The following RPN2 variants were observed in gnomAD, a reference collection of about 807,000 sequenced individuals.
RPN2 encodes the protein ribophorin II.
A neutral mutation model predicts 71.4 loss-of-function variants in RPN2; 29 were observed. The ratio of observed to expected loss-of-function variants is 0.41; its 90% CI spans 0.30 to 0.55. RPN2 has a LOEUF of 0.55. Ranked by LOEUF, RPN2 falls within the 20% of genes least tolerant of loss-of-function variation. RPN2 has a pLI of 0.35. For synonymous variants in RPN2, 308 were observed against 305.0 expected (o/e 1.01, Z -0.10); for missense variants, 726 against 774.1 (o/e 0.94, Z 0.74).
chr20:37,191,629 G>C (rs992891809), intron 2 of RPN2, among the ~76,000 whole-genome samples: 22 of 151,690 alleles, frequency 1.5e-4, no homozygotes, highest in African/African-American at 4.8e-4. Context: ...TTAGCTGGGC[G>C]TGGTGGCGGG....
chr20:37,193,552 C>T (rs753986282), intron 2 of RPN2, among the ~76,000 whole-genome samples: 1 of 152,138 alleles, frequency 6.6e-6, no homozygotes, highest in East Asian at 1.9e-4. Flanking sequence ...TAGCTAGTAT[C>T]GTGATTCACC....
At chr20:37,182,312 T>A (rs567637087) in intron 1 of RPN2, among the ~76,000 whole-genome samples, 2 of 152,242 alleles carry the variant, frequency 1.3e-5, no homozygotes, top group African/African-American at 4.8e-5. Context: ...CAGGCTGGTC[T>A]TGAACTCCTG....
At chr20:37,239,117 A>C (rs766829419) in intron 16 of RPN2, among the ~76,000 whole-genome samples, 1 of 152,162 alleles carries the variant, frequency 6.6e-6, no homozygotes, top group Non-Finnish European at 1.5e-5. Context: ...TGCTTCACTG[A>C]TCTGCTCCGC....
chr20:37,217,204 T>C (rs1432243217), intron 9 of RPN2, among the ~76,000 whole-genome samples: 2 of 152,074 alleles, frequency 1.3e-5, no homozygotes, highest in East Asian at 3.8e-4. Context: ...AGTAGTGGGA[T>C]TATAGGCGTG....
At chr20:37,239,764 TA>T (rs1426605785) in intron 16 of RPN2, among the ~76,000 whole-genome samples, 1 of 152,172 alleles carries the variant, frequency 6.6e-6, no homozygotes, top group Non-Finnish European at 1.5e-5. Context: ...GTGCCCCTTT[TA>T]GAGTCCGACC....
intron 8 of RPN2, among the ~76,000 whole-genome samples, chr20:37,212,170 T>G (rs1052422446): frequency 3.3e-5 from 5 of 152,170 alleles, no homozygotes; most frequent in Admixed American, 6.5e-5. Flanking sequence ...TTCCAGCTAC[T>G]TGGGAGGCTG....
rs770726460 is a variant in RPN2 at position 37,198,421 on chromosome 20, A to T, written c.232A>T (p.Asn78Tyr). ...AKKACTYIRS[N>Y]LDPSNVDSLF... ...GAAAGCATGTACCTACATCAGATCT[A>T]ACCTTGATCCCAGCAATGTGGATTC... The change falls in exon 3 of 17, where the codon AAC (asparagine) becomes TAC (tyrosine). Residue 78 changes from asparagine (N) to tyrosine (Y), a missense_variant. By Grantham distance (143) the Asn-to-Tyr change is moderately radical. Coordinates refer to ENST00000237530, the MANE Select transcript of RPN2 (RefSeq NM_002951.5). 3 of 1,614,184 alleles carry T rather than the reference A, an allele frequency of 1.9e-6. No homozygotes were observed. The highest frequency in any genetic ancestry group is 2.5e-6 in the Non-Finnish European group (3 of 1,180,020).
At chr20:37,187,980 A>G (rs1393435410) in intron 2 of RPN2, among the ~76,000 whole-genome samples, 3 of 151,634 alleles carry the variant, frequency 2.0e-5, no homozygotes, top group African/African-American at 4.8e-5. Flanking sequence ...TATATCTTCT[A>G]TTGACTGTTC....
At chr20:37,198,280 T>C (rs2076399) in intron 2 of RPN2, 117 bp from the exon 3 acceptor site, 3 of 1,569,358 alleles carry the variant, frequency 1.9e-6, no homozygotes, top group East Asian at 4.5e-5. Context: ...ACTAAATTCA[T>C]GTAGCTCATT....
intron 16 of RPN2, chr20:37,238,504 C>T (rs149648856): frequency 1.1e-5 from 14 of 1,248,544 alleles, no homozygotes; most frequent in African/African-American, 4.4e-5. Flanking sequence ...CCGTCTTGCC[C>T]GCCTCATGCA....
chr20:37,233,982 T>C, intron 14 of RPN2, 38 bp from the exon 15 acceptor site: 1 of 1,609,700 alleles, frequency 6.2e-7, no homozygotes, highest in Non-Finnish European at 8.5e-7. Flanking sequence ...CCTTTTAAGT[T>C]CTAATGCCTT....
In RPN2 at chr20:37,203,361, CTT is replaced by C. The variant is rs11348988; in HGVS notation, c.480-502_480-501del. On this transcript the variant is annotated intron_variant, in intron 4 of 16. Coordinates refer to ENST00000237530, the MANE Select transcript of RPN2 (RefSeq NM_002951.5). ...AATTTTATGTGAATTTTGCTTCAAT[CTT>C]TTTTTTTTTTTTTTTTTTTTTCTGA... 2.8e-3 allele frequency among the ~76,000 whole-genome samples: 392 copies of C among 138,042 alleles called. 1 individual carries two copies. Among genetic ancestry groups the C allele is most frequent in the East Asian group, 0.022 (99 of 4,540 alleles). The allele number at this position is 138,042 out of a possible 152,430, so 90.6% of individuals were successfully genotyped here.
intron 16 of RPN2, among the ~76,000 whole-genome samples, chr20:37,238,192 A>G (rs751798549): frequency 2.0e-5 from 3 of 151,064 alleles, no homozygotes; most frequent in Non-Finnish European, 4.4e-5. Context: ...AGGATCAGTA[A>G]CTCCTCCCTC....
chr20:37,209,902 G>T, intron 7 of RPN2, 145 bp from the exon 8 acceptor site: 1 of 1,397,320 alleles, frequency 7.2e-7, no homozygotes. Flanking sequence ...GGATTAGGCA[G>T]CAGGCCCAAG....
At chr20:37,227,024 T>A (rs2068093739) in intron 11 of RPN2, among the ~76,000 whole-genome samples, 1 of 152,256 alleles carries the variant, frequency 6.6e-6, no homozygotes, top group African/African-American at 2.4e-5. Context: ...TCTTGCTTTC[T>A]GTTTCTTGCA....
intron 2 of RPN2, among the ~76,000 whole-genome samples, chr20:37,184,814 T>G (rs1189465059): frequency 6.6e-6 from 1 of 152,162 alleles, no homozygotes; most frequent in Non-Finnish European, 1.5e-5. Flanking sequence ...TTATTTCAGT[T>G]TGACAGATCT....
intron 4 of RPN2, among the ~76,000 whole-genome samples, chr20:37,201,782 G>C (rs2067397043): frequency 6.6e-6 from 1 of 152,096 alleles, no homozygotes; most frequent in Non-Finnish European, 1.5e-5. Flanking sequence ...ATATAAATTA[G>C]AACTCTTCTG....
chr20:37,183,642 C>T (rs2066933116), intron 1 of RPN2, among the ~76,000 whole-genome samples: 1 of 152,224 alleles, frequency 6.6e-6, no homozygotes, highest in Non-Finnish European at 1.5e-5. Flanking sequence ...AGCCTGGCCC[C>T]AGAGTCTGGG....
chr20:37,199,570 G>T (rs1396906421), intron 4 of RPN2, among the ~76,000 whole-genome samples: 3 of 152,176 alleles, frequency 2.0e-5, no homozygotes, highest in Non-Finnish European at 4.4e-5. Flanking sequence ...TGCATGTCTT[G>T]TTGAGGCTTG....
Sources: gnomAD v4.1 joint callset for allele counts (sites outside exome capture counted in the v4.1 genomes callset) on GRCh38, gnomAD v4.1.1 for gene constraint, MANE v1.5 for transcripts, NCBI Gene and HGNC (gene_info 2026-07-23, HGNC 2026-07-21) for gene names.